The following ATG13 variants were observed in gnomAD, a reference collection of about 807,000 sequenced individuals.
ATG13 encodes the protein autophagy related 13, also known as autophagy-related protein 13.
In ATG13, 23 loss-of-function variants were observed where a neutral mutation model predicts 65.5. The observed-to-expected ratio is 0.35, with a 90% CI of 0.25 to 0.50. ATG13 has a LOEUF of 0.50. Among genes scored for constraint, ATG13 ranks in the 20% least tolerant of loss-of-function variants. ATG13 has a pLI of 0.98. For missense variants in ATG13, 566 were observed against 677.0 expected, an observed-to-expected ratio of 0.84 and a Z score of 1.82; for synonymous variants, 252 against 245.2, an observed-to-expected ratio of 1.03 and a Z score of -0.26.
intron 10 of ATG13, among the ~76,000 whole-genome samples, chr11:46,658,370 G>C (rs966954664): frequency 1.2e-4 from 18 of 152,132 alleles, no homozygotes; most frequent in Admixed American, 6.6e-4. Context: ...TGAAAACCCA[G>C]ATGTGGCTCC....
intron 10 of ATG13, among the ~76,000 whole-genome samples, chr11:46,658,480 AAGCCCAGGAGTTGGAGATC>A (rs2060472363): frequency 6.6e-6 from 1 of 152,022 alleles, no homozygotes; most frequent in Admixed American, 6.6e-5. Flanking sequence ...TGGATTGCTC[AAGCCCAGGAGTTGGAGATC>A]AGCCCAGGCA....
At position 46,672,590 on chromosome 11, in the gene ATG13, C is replaced by G; in HGVS notation, c.*258C>G. 7.0e-7 allele frequency: 1 copy of G among 1,421,580 alleles called. No individual in the cohort carries two copies. Among genetic ancestry groups the G allele is most frequent in the Non-Finnish European group, 9.3e-7 (1 of 1,076,146 alleles). 88.1% of individuals were successfully genotyped at this position (1,421,580 alleles called of 1,614,324 possible). Reference sequence around the variant, plus strand: ...AAGAACCTTCGTACGAAAAAGCCCTCAGCAGGGCCATCTGTGTGCCCTGCC... The same window carrying G: ...AAGAACCTTCGTACGAAAAAGCCCTGAGCAGGGCCATCTGTGTGCCCTGCC... On this transcript the variant is annotated 3_prime_UTR_variant, in exon 19 of 19. Coordinates refer to ENST00000683050, the MANE Select transcript of ATG13 (RefSeq NM_001346311.2).
At chr11:46,631,970 A>G (rs1015724686) in intron 2 of ATG13, among the ~76,000 whole-genome samples, 10 of 152,340 alleles carry the variant, frequency 6.6e-5, no homozygotes, top group South Asian at 6.2e-4. Flanking sequence ...AGGAATTTCT[A>G]TTTGCAAAAG....
intron 7 of ATG13, among the ~76,000 whole-genome samples, chr11:46,652,667 C>T (rs1419950534): frequency 6.6e-6 from 1 of 152,082 alleles, no homozygotes; most frequent in African/African-American, 2.4e-5. Flanking sequence ...GAGCCATGAT[C>T]ACACCACTGC....
At position 46,657,642 on chromosome 11, in the gene ATG13, G is replaced by A. The variant is rs1422013102; in HGVS notation, c.695+20G>A. On this transcript the variant is annotated intron_variant, in intron 10 of 18. Transcript: ENST00000683050. ...TTACAGGTGAGGAATGTGAAAAGGT[G>A]CTCTCCCAAACTGCAGCTGGGCAGA... 6 of 1,562,734 alleles carry A rather than the reference G, an allele frequency of 3.8e-6. No individual in the cohort carries two copies. In the Admixed American group the frequency reaches 5.5e-5, roughly 14 times the overall value.
chr11:46,619,605 C>T (rs1038771433), intron 1 of ATG13, among the ~76,000 whole-genome samples: 2 of 151,724 alleles, frequency 1.3e-5, no homozygotes, highest in Non-Finnish European at 2.9e-5. Flanking sequence ...GCTGTTTGTT[C>T]TTGAACTCCC....
rs763636074 is a variant in ATG13, at chr11:46,659,441, C to A, written c.745C>A (p.Gln249Lys). 2.5e-6 allele frequency: 4 copies of A among 1,614,100 alleles called. No individual in the cohort carries two copies. In the South Asian group the frequency reaches 3.3e-5, roughly 13 times the overall value. ...GVIYPSVEDSQEVCTTSFSTS... is the reference protein window; with the variant it reads ...GVIYPSVEDSKEVCTTSFSTS... ...AATATACCCGTCTGTAGAAGACTCT[C>A]AAGAAGTGTGTACCACCTCTTTTTC... Residue 249 changes from glutamine to lysine, a missense_variant, in exon 11 of 19, where the codon CAA (glutamine) becomes AAA (lysine). This residue lies in a region of ATG13 where 387 missense variants were observed against 409.8 expected (regional missense o/e 0.94). Transcript: ENST00000683050.
intron 2 of ATG13, among the ~76,000 whole-genome samples, chr11:46,643,075 A>T (rs1457777422): frequency 6.6e-6 from 1 of 152,152 alleles, no homozygotes; most frequent in Non-Finnish European, 1.5e-5. Flanking sequence ...AAACTTGCCT[A>T]GTTCTGGTTG....
chr11:46,661,255 C>T lies in ATG13; in HGVS notation c.789+1770C>T, dbSNP rs567212798. ...TAGTTCTGCCGGGCGCAGTGGCTCACGCCTGTAATCCCAGCACTTTGGGAG... is the reference window on the plus strand; with the variant it reads ...TAGTTCTGCCGGGCGCAGTGGCTCATGCCTGTAATCCCAGCACTTTGGGAG... On this transcript the variant is annotated intron_variant, in intron 11 of 18. Coordinates refer to ENST00000683050, the MANE Select transcript of ATG13 (RefSeq NM_001346311.2). Among the ~76,000 whole-genome samples the T allele has an allele frequency of 1.2e-4, 18 of 152,224 alleles. No individual in the cohort carries two copies. The South Asian group carries it at 2.5e-3, about 21-fold the overall frequency.
chr11:46,632,173 A>G (rs1032598393), intron 2 of ATG13: 1 of 152,220 alleles, frequency 6.6e-6, no homozygotes, highest in African/African-American at 2.4e-5. Context: ...TATTTGTGGG[A>G]ACATTATAGA....
intron 1 of ATG13, among the ~76,000 whole-genome samples, chr11:46,620,284 G>A (rs565809045): frequency 8.6e-4 from 130 of 150,892 alleles, no homozygotes; most frequent in Non-Finnish European, 1.6e-3. Context: ...TAGTGGAGAT[G>A]AGGTTTCACC....
chr11:46,636,859 C>G (rs1292820746), intron 2 of ATG13, among the ~76,000 whole-genome samples: 1 of 151,924 alleles, frequency 6.6e-6, no homozygotes, highest in African/African-American at 2.4e-5. Flanking sequence ...TCCCGAGTAG[C>G]GGGGACTACA....
At chr11:46,670,960 C>T (rs1217792866) in intron 18 of ATG13, among the ~76,000 whole-genome samples, 1 of 152,218 alleles carries the variant, frequency 6.6e-6, no homozygotes. Context: ...TTAGCTTGCT[C>T]ATAGTCACAC....
intron 12 of ATG13, 94 bp downstream of exon 12, chr11:46,664,189 C>A: frequency 1.0e-6 from 1 of 981,088 alleles, no homozygotes; most frequent in Non-Finnish European, 1.5e-6. Context: ...ATTTAAATGT[C>A]CCAAGTGTTC....
intron 2 of ATG13, among the ~76,000 whole-genome samples, chr11:46,631,344 C>T (rs2051667554): frequency 6.6e-6 from 1 of 152,168 alleles, no homozygotes; most frequent in South Asian, 2.1e-4. Context: ...TTTGGACCAC[C>T]AAGCTGGCCT....
Position 46,672,817 on chromosome 11 carries a change from G to T in ATG13, c.*485G>T. The T allele has an allele frequency of 1.5e-6, 2 of 1,293,222 alleles. No homozygotes were observed. The highest frequency in any genetic ancestry group is 2.0e-6 in the Non-Finnish European group (2 of 990,444). 80.1% of individuals were successfully genotyped at this position (1,293,222 alleles called of 1,614,324 possible). On this transcript the variant is annotated 3_prime_UTR_variant, in exon 19 of 19. Transcript: ENST00000683050. ...GGAGGAAGAAGGAAGGAGTCCCTTAGCTCTCTTCATTGTCCCCTTTACTTC... is the reference window on the plus strand; with the variant it reads ...GGAGGAAGAAGGAAGGAGTCCCTTATCTCTCTTCATTGTCCCCTTTACTTC...
chr11:46,673,518 C>G lies in ATG13; in HGVS notation c.*1186C>G, dbSNP rs1299885721. The G allele has an allele frequency of 1.2e-4, 19 of 152,198 alleles. No individual in the cohort carries two copies. The highest frequency in any genetic ancestry group is 1.2e-3 in the Admixed American group (19 of 15,262). 9.4% of individuals were successfully genotyped at this position (152,198 alleles called of 1,614,324 possible). A position where few individuals can be genotyped will look rare whatever the true frequency, so the allele number is the denominator to read the frequency against. On this transcript the variant is annotated 3_prime_UTR_variant, in exon 19 of 19. Coordinates refer to ENST00000683050, the MANE Select transcript of ATG13 (RefSeq NM_001346311.2). Reference sequence around the variant, plus strand: ...GGTTAGGGGATGTTGTGTGTGTCCCCCAACTGCCTGGGTACTTGTTCCTGA... The same window carrying G: ...GGTTAGGGGATGTTGTGTGTGTCCCGCAACTGCCTGGGTACTTGTTCCTGA...
chr11:46,621,469 A>G (rs2047486718), intron 1 of ATG13, among the ~76,000 whole-genome samples: 1 of 152,168 alleles, frequency 6.6e-6, no homozygotes, highest in Non-Finnish European at 1.5e-5. Context: ...GCTTCTCCCA[A>G]TACTATTCAG....
chr11:46,623,069 C>T (rs1220631484), intron 1 of ATG13, among the ~76,000 whole-genome samples: 1 of 151,782 alleles, frequency 6.6e-6, no homozygotes, highest in African/African-American at 2.4e-5. Context: ...CCAAGGCGGG[C>T]GGATCACGAG....
Sources: allele counts gnomAD v4.1 joint callset (sites outside exome capture counted in the v4.1 genomes callset), GRCh38; gene constraint gnomAD v4.1.1; regional missense constraint gnomAD v4.1.1; transcripts MANE v1.5; gene names NCBI Gene and HGNC (gene_info 2026-07-23, HGNC 2026-07-21).